ADARB2: variants seen among roughly 807,000 people sequenced by gnomAD.
ADARB2 encodes adenosine deaminase RNA specific B2 (inactive).
A neutral mutation model predicts 62.2 loss-of-function variants in ADARB2; 25 were observed. That is an observed-to-expected ratio of 0.40 (90% CI 0.29 to 0.56). The LOEUF (loss-of-function observed/expected upper bound fraction) is 0.56, where lower values mean the gene tolerates loss of function less well. ADARB2 is among the 20% of genes least tolerant of loss of function. The pLI is 0.43. For missense variants in ADARB2, 1,071 were observed against 1,077.4 expected, an observed-to-expected ratio of 0.99 and a Z score of 0.08; for synonymous variants, 572 against 500.8, an observed-to-expected ratio of 1.14 and a Z score of -1.90.
chr10:1,285,003 G>A (rs1378620467), intron 3 of ADARB2, among the ~76,000 whole-genome samples: 1 of 152,168 alleles, frequency 6.6e-6, no homozygotes, highest in Non-Finnish European at 1.5e-5. Flanking sequence ...GGGAGGGGAC[G>A]AGAGAGGCTG....
At chr10:1,343,107 C>T (rs1160990241) in intron 3 of ADARB2, among the ~76,000 whole-genome samples, 1 of 152,160 alleles carries the variant, frequency 6.6e-6, no homozygotes, top group African/African-American at 2.4e-5. Context: ...ATACACAAGA[C>T]ATGAAGTTAG....
At chr10:1,467,018 A>G (rs1831263025) in intron 1 of ADARB2, among the ~76,000 whole-genome samples, 1 of 151,860 alleles carries the variant, frequency 6.6e-6, no homozygotes. Context: ...GGGACTCCGT[A>G]TTCTGGTTTC....
intron 1 of ADARB2, among the ~76,000 whole-genome samples, chr10:1,513,024 T>C (rs533887151): frequency 6.6e-6 from 1 of 152,232 alleles, no homozygotes; most frequent in Non-Finnish European, 1.5e-5. Context: ...CTACAGCTGA[T>C]GACATTGCAT....
intron 1 of ADARB2, among the ~76,000 whole-genome samples, chr10:1,425,978 C>T (rs1020863799): frequency 3.1e-4 from 47 of 152,180 alleles, no homozygotes; most frequent in African/African-American, 1.1e-3. Context: ...GCTAATCTCA[C>T]AGAGGCATGT....
chr10:1,495,151 G>A (rs1013903951), intron 1 of ADARB2, among the ~76,000 whole-genome samples: 2 of 152,118 alleles, frequency 1.3e-5, no homozygotes, highest in Non-Finnish European at 2.9e-5. Context: ...ATCATAATTA[G>A]TAGAAATTGG....
At chr10:1,493,654 T>G (rs1248957332) in intron 1 of ADARB2, among the ~76,000 whole-genome samples, 1 of 149,502 alleles carries the variant, frequency 6.7e-6, no homozygotes, top group Non-Finnish European at 1.5e-5. Context: ...AAGACTGGTG[T>G]GATCCTGTCT....
chr10:1,676,365 C>G (rs552056048), intron 1 of ADARB2, among the ~76,000 whole-genome samples: 1 of 152,146 alleles, frequency 6.6e-6, no homozygotes, highest in East Asian at 1.9e-4. Context: ...GCTTGTGAAC[C>G]ATTGACTTGT....
At chr10:1,721,632 G>C (rs1835093562) in intron 1 of ADARB2, among the ~76,000 whole-genome samples, 1 of 152,206 alleles carries the variant, frequency 6.6e-6, no homozygotes, top group Non-Finnish European at 1.5e-5. Context: ...TATTGCAACG[G>C]CAGCAAAGCT....
At chr10:1,214,317 G>T (rs368737944) in intron 7 of ADARB2, among the ~76,000 whole-genome samples, 14 of 150,158 alleles carry the variant, frequency 9.3e-5, no homozygotes, top group African/African-American at 3.2e-4. Context: ...CCTGTACCCA[G>T]CGTCACGTGG....
chr10:1,297,122 G>A (rs1831530265), intron 3 of ADARB2, among the ~76,000 whole-genome samples: 1 of 152,176 alleles, frequency 6.6e-6, no homozygotes. Context: ...ATGTTATTTG[G>A]AAATAGGGTG....
chr10:1,564,105 C>T (rs1420716948), intron 1 of ADARB2, among the ~76,000 whole-genome samples: 1 of 152,026 alleles, frequency 6.6e-6, no homozygotes, highest in Admixed American at 6.5e-5. Context: ...GTGCAGGTGT[C>T]TTTATAGCAA....
At chr10:1,559,501 CA>C (rs1347035755) in intron 1 of ADARB2, among the ~76,000 whole-genome samples, 1 of 152,032 alleles carries the variant, frequency 6.6e-6, no homozygotes, top group Admixed American at 6.5e-5. Context: ...TGGCCTGGCT[CA>C]AAGGACAGAT....
chr10:1,628,107 C>T (rs1008289761), intron 1 of ADARB2, among the ~76,000 whole-genome samples: 37 of 152,248 alleles, frequency 2.4e-4, no homozygotes, highest in Non-Finnish European at 3.4e-4. Flanking sequence ...GACACATCTA[C>T]CCTGGAGCAC....
At chr10:1,502,828 T>C (rs1186544192) in intron 1 of ADARB2, among the ~76,000 whole-genome samples, 1 of 152,270 alleles carries the variant, frequency 6.6e-6, no homozygotes, top group Non-Finnish European at 1.5e-5. Flanking sequence ...TAAAAATCTT[T>C]AAGCATGCAA....
intron 3 of ADARB2, among the ~76,000 whole-genome samples, chr10:1,287,519 G>A (rs1831425063): frequency 1.3e-5 from 2 of 152,070 alleles, no homozygotes; most frequent in Admixed American, 1.3e-4. Context: ...GTGCTCTGAC[G>A]GACATCCTAG....
chr10:1,353,413 C>A (rs891739411), intron 3 of ADARB2, among the ~76,000 whole-genome samples: 2 of 152,154 alleles, frequency 1.3e-5, no homozygotes, highest in Non-Finnish European at 1.5e-5. Flanking sequence ...TACATGCAGA[C>A]CGGGCAACAT....
At chr10:1,352,416 C>G (rs991421093) in intron 3 of ADARB2, among the ~76,000 whole-genome samples, 2 of 152,200 alleles carry the variant, frequency 1.3e-5, no homozygotes, top group African/African-American at 4.8e-5. Context: ...GCTTTAGAGA[C>G]TGCCGCCACC....
intron 1 of ADARB2, among the ~76,000 whole-genome samples, chr10:1,410,815 A>G (rs1001573360): frequency 1.3e-5 from 2 of 152,166 alleles, no homozygotes; most frequent in African/African-American, 4.8e-5. Context: ...ACCTTCTTCC[A>G]CTGAGCTTCT....
chr10:1,440,953 T>A (rs1474956372), intron 1 of ADARB2, among the ~76,000 whole-genome samples: 2 of 152,260 alleles, frequency 1.3e-5, no homozygotes, highest in South Asian at 2.1e-4. Flanking sequence ...CCTAGAGGAA[T>A]GAATAGCTAG....
Sources: gnomAD v4.1 joint callset for allele counts (sites outside exome capture counted in the v4.1 genomes callset) on GRCh38, gnomAD v4.1.1 for gene constraint, MANE v1.5 for transcripts, NCBI Gene and HGNC (gene_info 2026-07-23, HGNC 2026-07-21) for gene names.